GTF2E2: variants seen among roughly 807,000 people sequenced by gnomAD.
GTF2E2 encodes the protein transcription initiation factor IIE subunit beta.
In GTF2E2, 21 loss-of-function variants were observed where a neutral mutation model predicts 40.5. The ratio of observed to expected loss-of-function variants is 0.52; its 90% CI spans 0.37 to 0.75. The LOEUF is 0.75. GTF2E2 is among the 30% of genes least tolerant of loss of function. GTF2E2 has a pLI of 0.00. For synonymous variants in GTF2E2, 117 were observed against 121.6 expected (o/e 0.96, Z 0.25); for missense variants, 298 against 338.4 (o/e 0.88, Z 0.94).
At chr8:30,615,884 C>T (rs1800905220) in intron 3 of GTF2E2, among the ~76,000 whole-genome samples, 1 of 152,186 alleles carries the variant, frequency 6.6e-6, no homozygotes, top group Non-Finnish European at 1.5e-5. Context: ...ATGCTTATTA[C>T]AGCTTTATCC....
chr8:30,628,377 C>T (rs1176032625), intron 3 of GTF2E2, among the ~76,000 whole-genome samples: 3 of 152,098 alleles, frequency 2.0e-5, no homozygotes, highest in Non-Finnish European at 2.9e-5. Flanking sequence ...ATAAGCTGGG[C>T]GAAATAAATG....
intron 3 of GTF2E2, among the ~76,000 whole-genome samples, chr8:30,622,688 C>T (rs1457665078): frequency 6.6e-6 from 1 of 152,010 alleles, no homozygotes; most frequent in Non-Finnish European, 1.5e-5. Flanking sequence ...AAGATGGCCA[C>T]AGCCAGGGGG....
chr8:30,635,146 C>T, intron 2 of GTF2E2, 23 bp from the exon 3 acceptor site: 1 of 1,288,846 alleles, frequency 7.8e-7, no homozygotes, highest in South Asian at 1.2e-5. Flanking sequence ...TTCAAAATAA[C>T]ATCGTCATAT....
Position 30,640,971 on chromosome 8 carries a change from C to T in GTF2E2, c.167-5848G>A, listed in dbSNP as rs575278457. Among the ~76,000 whole-genome samples the T allele has an allele frequency of 1.2e-4, 18 of 152,292 alleles. 1 individual carries two copies. The East Asian group carries it at 3.5e-3, about 29-fold the overall frequency. ...CTGCCTGCCTCAGCCTCCCAGAGTG[C>T]TAGGATTACAGGCCTAATGGTATAT... is the stretch of plus-strand genomic sequence containing the variant. On this transcript the variant is annotated intron_variant, in intron 2 of 7. Coordinates refer to ENST00000355904, the MANE Select transcript of GTF2E2 (RefSeq NM_002095.6).
chr8:30,620,014 T>C (rs1404446695), intron 3 of GTF2E2, among the ~76,000 whole-genome samples: 1 of 151,950 alleles, frequency 6.6e-6, no homozygotes, highest in African/African-American at 2.4e-5. Flanking sequence ...GGAAGGACTA[T>C]GAGTCAGGGA....
At chr8:30,642,547 A>C (rs535200171) in intron 2 of GTF2E2, among the ~76,000 whole-genome samples, 5 of 152,198 alleles carry the variant, frequency 3.3e-5, no homozygotes, top group Non-Finnish European at 5.9e-5. Flanking sequence ...AAGAAGCCTC[A>C]AACATATCCC....
chr8:30,641,200 C>T (rs988216774), intron 2 of GTF2E2, among the ~76,000 whole-genome samples: 3 of 152,170 alleles, frequency 2.0e-5, no homozygotes, highest in African/African-American at 4.8e-5. Flanking sequence ...TGTTTTGAGC[C>T]GCTCGGTTAT....
chr8:30,654,552 G>A (rs752628931), intron 1 of GTF2E2, among the ~76,000 whole-genome samples: 3 of 151,926 alleles, frequency 2.0e-5, no homozygotes, highest in Non-Finnish European at 2.9e-5. Flanking sequence ...ACAGGTACAC[G>A]CCACCACACA....
chr8:30,620,241 C>CACAAACACAA (rs752162359), intron 3 of GTF2E2, among the ~76,000 whole-genome samples: 1 of 150,614 alleles, frequency 6.6e-6, no homozygotes, highest in Middle Eastern at 3.4e-3. Flanking sequence ...CACACACAAA[C>CACAAACACAA]ACACACACAC....
chr8:30,636,392 C>G (rs1343438143), intron 2 of GTF2E2, among the ~76,000 whole-genome samples: 1 of 152,132 alleles, frequency 6.6e-6, no homozygotes. Flanking sequence ...ATTAGAACAA[C>G]CACAAGTCAA....
At position 30,655,187 on chromosome 8, in the gene GTF2E2, A is replaced by T. The variant is rs1802414603; in HGVS notation, c.-4-1585T>A. Among the ~76,000 whole-genome samples the T allele has an allele frequency of 3.5e-5, 5 of 142,334 alleles. 1 individual carries two copies. The South Asian group carries it at 1.2e-3, about 34-fold the overall frequency. The allele number at this position is 142,334 out of a possible 152,430, so 93.4% of individuals were successfully genotyped here. The stretch of plus-strand genomic sequence containing the variant: ...CCTCCAGCCTGGGGGATACAGCAAA[A>T]CTCTGTCTCAAAAAAAAAAAAAAAG... On this transcript the variant is annotated intron_variant, in intron 1 of 7. Transcript: ENST00000355904.
chr8:30,598,476 T>C (rs1005427129), intron 6 of GTF2E2, among the ~76,000 whole-genome samples: 1 of 152,248 alleles, frequency 6.6e-6, no homozygotes, highest in African/African-American at 2.4e-5. Context: ...CTAGTTCCTT[T>C]TGTTTAAAGT....
At chr8:30,614,125 A>AAAGTAAAG (rs1291562632) in intron 4 of GTF2E2, among the ~76,000 whole-genome samples, 1 of 152,238 alleles carries the variant, frequency 6.6e-6, no homozygotes. Flanking sequence ...ACTTCTTTAC[A>AAAGTAAAG]ACTATTACAC....
chr8:30,650,478 C>A, intron 2 of GTF2E2, among the ~76,000 whole-genome samples: 2 of 134,062 alleles, frequency 1.5e-5, no homozygotes, highest in East Asian at 2.2e-4. Context: ...TCCCTTGAAG[C>A]GGGGAGTTTG....
intron 3 of GTF2E2, among the ~76,000 whole-genome samples, chr8:30,621,049 T>C (rs1166684524): frequency 1.3e-5 from 2 of 152,068 alleles, no homozygotes; most frequent in African/African-American, 4.8e-5. Flanking sequence ...AGGTTACTTG[T>C]CTAAGGAGAG....
chr8:30,647,299 G>A (rs563630191), intron 2 of GTF2E2, among the ~76,000 whole-genome samples: 7 of 152,212 alleles, frequency 4.6e-5, no homozygotes, highest in South Asian at 4.1e-4. Flanking sequence ...AAAGAATATC[G>A]GCTGGGCGCG....
chr8:30,595,870 A>G (rs1306594664), intron 6 of GTF2E2, among the ~76,000 whole-genome samples: 1 of 152,160 alleles, frequency 6.6e-6, no homozygotes, highest in Non-Finnish European at 1.5e-5. Flanking sequence ...GGGAAGGAAA[A>G]GAAAAAAGAA....
intron 2 of GTF2E2, chr8:30,645,286 A>G: frequency 6.6e-7 from 1 of 1,521,634 alleles, no homozygotes; most frequent in Non-Finnish European, 8.8e-7. Context: ...TATAGATTCA[A>G]AAGAGCAAGT....
intron 2 of GTF2E2, chr8:30,637,072 A>G (rs1364608069): frequency 5.1e-6 from 2 of 393,902 alleles, no homozygotes; most frequent in Non-Finnish European, 4.9e-6. Flanking sequence ...CCTTTTAAAT[A>G]TAATAAAATT....
Sources: gnomAD v4.1 joint callset for allele counts (sites outside exome capture counted in the v4.1 genomes callset) on GRCh38, gnomAD v4.1.1 for gene constraint, MANE v1.5 for transcripts, NCBI Gene and HGNC (gene_info 2026-07-23, HGNC 2026-07-21) for gene names.